WFIKKN1: variants seen among roughly 807,000 people sequenced by gnomAD.
WFIKKN1 encodes the protein WAP, follistatin/kazal, immunoglobulin, kunitz and netrin domain containing 1.
WFIKKN1 carries 6 observed loss-of-function variants against 4.6 expected under a neutral mutation model. The ratio of observed to expected loss-of-function variants is 1.31; its 90% CI spans 0.72 to 2.59. WFIKKN1 has a LOEUF of 2.59. Ranked by LOEUF, WFIKKN1 falls within the 30% of genes most tolerant of loss-of-function variation. The pLI is 0.00. For synonymous variants in WFIKKN1, 468 were observed against 367.4 expected, an observed-to-expected ratio of 1.27 and a Z score of -3.13; for missense variants, 964 against 818.0, an observed-to-expected ratio of 1.18 and a Z score of -2.18.
chr16:631,972 C>A (rs1238546360), intron 1 of WFIKKN1: 1 of 146,748 alleles, frequency 6.8e-6, no homozygotes, highest in East Asian at 2.0e-4. Flanking sequence ...TCTCTCACCC[C>A]GTCATTGCCT....
chr16:633,451 C>T lies in WFIKKN1; in HGVS notation c.1041C>T (p.Cys347=), dbSNP rs2036981075. 4.6e-6 allele frequency: 7 copies of T among 1,537,946 alleles called. No homozygotes were observed. The highest frequency in any genetic ancestry group is 6.1e-6 in the Non-Finnish European group (7 of 1,150,406). ...AARGFETYEA[C]QQACARGPGD... ...GCGGCTTTGAGACCTACGAGGCATG[C>T]CAGCAGGCCTGTGCCCGCGGCCCCG... The change falls in exon 2 of 2, where the codon TGC becomes TGT. Residue 347 remains cysteine, a synonymous_variant. Transcript: ENST00000319070.
chr16:632,576 C>T lies in WFIKKN1; in HGVS notation c.172-6C>T. On this transcript the variant is annotated splice_polypyrimidine_tract_variant and splice_region_variant and intron_variant, in intron 1 of 1. Coordinates refer to ENST00000319070, the MANE Select transcript of WFIKKN1 (RefSeq NM_053284.3). ...GGGCTCCCACCTAAGTGTCCCCCAT[C>T]CCCAGGACTGTGCGGCTGCTGAGAA... is the stretch of plus-strand genomic sequence containing the variant. 1 of 1,534,604 alleles carries T rather than the reference C, an allele frequency of 6.5e-7. No individual in the cohort carries two copies. The highest frequency in any genetic ancestry group is 8.8e-7 in the Non-Finnish European group (1 of 1,137,284).
At position 634,009 on chromosome 16, in the gene WFIKKN1, G is replaced by A; in HGVS notation, c.1599G>A (p.Glu533=). Residue 533 remains glutamate, a synonymous_variant, in exon 2 of 2, where the codon GAG becomes GAA. Coordinates refer to ENST00000319070, the MANE Select transcript of WFIKKN1 (RefSeq NM_053284.3). ...AGAAGCGCGTCAAGAAGATCTTGGA[G>A]CTGCTGGAGAAGCAGGCCTGCGAGC... ...ASEKRVKKIL[E]LLEKQACELL... 1 of 1,602,262 alleles carries A rather than the reference G, an allele frequency of 6.2e-7. No individual in the cohort carries two copies. Among genetic ancestry groups the A allele is most frequent in the African/African-American group, 1.3e-5 (1 of 74,824 alleles).
At position 633,009 on chromosome 16, in the gene WFIKKN1, G is replaced by T. The variant is rs747756333; in HGVS notation, c.599G>T (p.Gly200Val). 1.2e-6 allele frequency: 2 copies of T among 1,605,834 alleles called. No individual in the cohort carries two copies. Among genetic ancestry groups the T allele is most frequent in the Non-Finnish European group, 8.5e-7 (1 of 1,176,014 alleles). ...CCCTCCCCACAGGCGGTGCAGGTTG[G>T]GGGTACGGCCAGCCTCCACTGCGAC... Reference protein sequence around the residue: ...SSPSPQAVQVGGTASLHCDVS... With the variant: ...SSPSPQAVQVVGTASLHCDVS... The change falls in exon 2 of 2, where the codon GGG becomes GTG. Residue 200 changes from glycine to valine, a missense_variant. Gly to Val is a moderately radical substitution (Grantham distance 109). Transcript: ENST00000319070.
chr16:631,297 G>T lies in WFIKKN1; in HGVS notation c.44G>T (p.Arg15Leu). The T allele has an allele frequency of 1.9e-6, 3 of 1,596,662 alleles. No homozygotes were observed. Among genetic ancestry groups the T allele is most frequent in the South Asian group, 1.1e-5 (1 of 90,374 alleles). ...CTCCTGCCGCTCCTGCTCCTCCTCC[G>T]GCTGACCTCGGGGGCTGGCTTGCTG... ...RPLLPLLLLLRLTSGAGLLPG... is the reference protein window; with the variant it reads ...RPLLPLLLLLLLTSGAGLLPG... Residue 15 changes from arginine to leucine, a missense_variant, in exon 1 of 2, where the codon CGG becomes CTG. Physicochemically the swap from Arg to Leu is moderately radical, Grantham distance 102. Transcript: ENST00000319070.
In WFIKKN1 at chr16:631,442, G is replaced by T; in HGVS notation, c.171+18G>T. 6.3e-7 allele frequency: 1 copy of T among 1,598,200 alleles called. No individual in the cohort carries two copies. Among genetic ancestry groups the T allele is most frequent in the East Asian group, 2.3e-5 (1 of 44,070 alleles). On this transcript the variant is annotated intron_variant, in intron 1 of 1. Transcript: ENST00000319070. ...GGGACCAGGTGAGTGTGGTCGGGCC[G>T]GGGTCCTGGGGCTCAGAGCAGCCAG... is the stretch of plus-strand genomic sequence containing the variant.
rs528515735 is a variant in WFIKKN1 at position 632,505 on chromosome 16, C to T, written c.172-77C>T. On this transcript the variant is annotated intron_variant, in intron 1 of 1. Transcript: ENST00000319070. ...GGGCTCCCTGCTACCCCACCTGGGCCTCCCCTTGCAGGGGCCAGGCCAGAG... is the reference window on the plus strand; with the variant it reads ...GGGCTCCCTGCTACCCCACCTGGGCTTCCCCTTGCAGGGGCCAGGCCAGAG... 259 of 1,394,474 alleles carry T rather than the reference C, an allele frequency of 1.9e-4. 1 individual carries two copies. The African/African-American group carries it at 3.0e-3, about 16-fold the overall frequency. 86.4% of individuals were successfully genotyped at this position (1,394,474 alleles called of 1,614,324 possible).
Position 634,078 on chromosome 16 carries a change from AC to A in WFIKKN1, c.*25del. On this transcript the variant is annotated 3_prime_UTR_variant, in exon 2 of 2. Transcript: ENST00000319070. ...ACTAGCCCCCGCAGGGGCCTGCGCC[AC>A]CCCGTCCTGGTGAATAAACGCACTC... 6.6e-7 allele frequency: 1 copy of A among 1,524,812 alleles called. No individual in the cohort carries two copies. Among genetic ancestry groups the A allele is most frequent in the South Asian group, 1.3e-5 (1 of 78,354 alleles). 94.5% of individuals were successfully genotyped at this position (1,524,812 alleles called of 1,614,324 possible).
Position 631,237 on chromosome 16 carries a change from CT to C in WFIKKN1, c.-16del. ...GCTGGTGGCCACACCCCCCGGCCCCCTGGCTCGGCGGCCCTCATGCCCGCCC... is the reference window on the plus strand; with the variant it reads ...GCTGGTGGCCACACCCCCCGGCCCCCGGCTCGGCGGCCCTCATGCCCGCCC... On this transcript the variant is annotated 5_prime_UTR_variant, in exon 1 of 2. Coordinates refer to ENST00000319070, the MANE Select transcript of WFIKKN1 (RefSeq NM_053284.3). 2 of 1,544,618 alleles carry C rather than the reference CT, an allele frequency of 1.3e-6. No homozygotes were observed. The highest frequency in any genetic ancestry group is 1.7e-6 in the Non-Finnish European group (2 of 1,152,882).
At position 633,034 on chromosome 16, in the gene WFIKKN1, C is replaced by T. The variant is rs368851660; in HGVS notation, c.624C>T (p.Asp208=). The change falls in exon 2 of 2, where the codon GAC becomes GAT. Residue 208 remains aspartate (D), a synonymous_variant. Coordinates refer to ENST00000319070, the MANE Select transcript of WFIKKN1 (RefSeq NM_053284.3). ...GGGGTACGGCCAGCCTCCACTGCGA[C>T]GTCAGCGGCCGCCCGCCGCCTGCTG... The part of the protein sequence containing the change: ...QVGGTASLHC[D]VSGRPPPAVT... 6.2e-6 allele frequency: 10 copies of T among 1,610,576 alleles called. No individual in the cohort carries two copies. Among genetic ancestry groups the T allele is most frequent in the South Asian group, 1.1e-5 (1 of 90,846 alleles).
chr16:631,130 C>G lies in WFIKKN1; in HGVS notation c.-124C>G. The stretch of plus-strand genomic sequence containing the variant: ...CAGCCTCAGGGGCAAAAGGGAGCCC[C>G]GGGGTCCTGGTGGGGGCACCGACCA... On this transcript the variant is annotated 5_prime_UTR_variant, in exon 1 of 2. Coordinates refer to ENST00000319070, the MANE Select transcript of WFIKKN1 (RefSeq NM_053284.3). 3 of 1,162,880 alleles carry G rather than the reference C, an allele frequency of 2.6e-6. No homozygotes were observed. Among genetic ancestry groups the G allele is most frequent in the Non-Finnish European group, 3.5e-6 (3 of 856,286 alleles). 72.0% of individuals were successfully genotyped at this position (1,162,880 alleles called of 1,614,324 possible).
Position 632,671 on chromosome 16 carries a change from G to A in WFIKKN1, c.261G>A (p.Pro87=), listed in dbSNP as rs566455415. The A allele has an allele frequency of 5.2e-5, 84 of 1,605,122 alleles. 1 individual carries two copies. Among genetic ancestry groups the A allele is most frequent in the Middle Eastern group, 1.7e-4 (1 of 6,024 alleles). Residue 87 remains proline, a synonymous_variant, in exon 2 of 2, where the codon CCG becomes CCA. Coordinates refer to ENST00000319070, the MANE Select transcript of WFIKKN1 (RefSeq NM_053284.3). ...GCTTCCCCGGCAGCCCAGCTGCGCC[G>A]ACGACAGCGGCCTCCTGCGAGGGCT... The part of the protein sequence containing the change: ...AARFPGSPAA[P]TTAASCEGFV...
At position 633,314 on chromosome 16, in the gene WFIKKN1, G is replaced by A. The variant is rs2036978310; in HGVS notation, c.904G>A (p.Asp302Asn). 3.8e-6 allele frequency: 6 copies of A among 1,595,056 alleles called. No individual in the cohort carries two copies. The highest frequency in any genetic ancestry group is 5.1e-6 in the Non-Finnish European group (6 of 1,175,292). ...CCCAGCCCCGGCCGAGTGCCTGCCG[G>A]ATGTGCAGGCCTGCACGGGCCCCAC... is the stretch of plus-strand genomic sequence containing the variant. ...SIPAPAECLPDVQACTGPTSP... is the reference protein window; with the variant it reads ...SIPAPAECLPNVQACTGPTSP... Residue 302 changes from aspartate (D) to asparagine (N), a missense_variant, in exon 2 of 2, where the codon GAT becomes AAT. Asp to Asn is a conservative substitution (Grantham distance 23). Coordinates refer to ENST00000319070, the MANE Select transcript of WFIKKN1 (RefSeq NM_053284.3).
At position 633,021 on chromosome 16, in the gene WFIKKN1, G is replaced by A. The variant is rs1420370298; in HGVS notation, c.611G>A (p.Ser204Asn). Residue 204 changes from serine to asparagine, a missense_variant, in exon 2 of 2, where the codon AGC becomes AAC. Coordinates refer to ENST00000319070, the MANE Select transcript of WFIKKN1 (RefSeq NM_053284.3). ...PQAVQVGGTASLHCDVSGRPP... is the reference protein window; with the variant it reads ...PQAVQVGGTANLHCDVSGRPP... ...GCGGTGCAGGTTGGGGGTACGGCCA[G>A]CCTCCACTGCGACGTCAGCGGCCGC... is the stretch of plus-strand genomic sequence containing the variant. The A allele has an allele frequency of 3.1e-6, 5 of 1,609,164 alleles. No individual in the cohort carries two copies. In the East Asian group the frequency reaches 8.9e-5, roughly 29 times the overall value.
In WFIKKN1 at chr16:631,158, G is replaced by A. The variant is rs1178413043; in HGVS notation, c.-96G>A. ...GGTCCTGGTGGGGGCACCGACCACAGGCCCGGAGGGTGGATGCCTGCAGGA... is the reference window on the plus strand; with the variant it reads ...GGTCCTGGTGGGGGCACCGACCACAAGCCCGGAGGGTGGATGCCTGCAGGA... On this transcript the variant is annotated 5_prime_UTR_variant, in exon 1 of 2. Transcript: ENST00000319070. The A allele has an allele frequency of 7.1e-7, 1 of 1,399,340 alleles. No homozygotes were observed. Among genetic ancestry groups the A allele is most frequent in the African/African-American group, 1.5e-5 (1 of 67,360 alleles). The allele number at this position is 1,399,340 out of a possible 1,614,324, so 86.7% of individuals were successfully genotyped here. A position where few individuals can be genotyped will look rare whatever the true frequency, so the allele number is the denominator to read the frequency against.
Position 633,640 on chromosome 16 carries a change from C to T in WFIKKN1, c.1230C>T (p.Pro410=), listed in dbSNP as rs760459488. The T allele has an allele frequency of 8.9e-6, 14 of 1,567,770 alleles. No homozygotes were observed. The highest frequency in any genetic ancestry group is 4.1e-5 in the African/African-American group (3 of 72,754). ...GCGAGAGCTGCGAGGATGCCTGCCC[C>T]GTGCCGCGCACACCGCCCTGCCGCG... ...HSRESCEDAC[P]VPRTPPCRAC... is the part of the protein sequence containing the mutation. The change falls in exon 2 of 2, where the codon CCC becomes CCT. Residue 410 remains proline, a synonymous_variant. Transcript: ENST00000319070.
At position 633,283 on chromosome 16, in the gene WFIKKN1, C is replaced by A; in HGVS notation, c.873C>A (p.Pro291=). 1 of 1,584,552 alleles carries A rather than the reference C, an allele frequency of 6.3e-7. No homozygotes were observed. Among genetic ancestry groups the A allele is most frequent in the Non-Finnish European group, 8.6e-7 (1 of 1,169,478 alleles). ...GAGAGCCGGCCAGGGACGCAGCCCC[C>A]AGCATCCCAGCCCCGGCCGAGTGCC... ...VQREPARDAA[P]SIPAPAECLP... is the part of the protein sequence containing the mutation. Residue 291 remains proline, a synonymous_variant, in exon 2 of 2, where the codon CCC becomes CCA. Transcript: ENST00000319070.
intron 1 of WFIKKN1, 106 bp downstream of exon 1, chr16:631,530 CTG>C: frequency 7.0e-7 from 1 of 1,433,182 alleles, no homozygotes; most frequent in Non-Finnish European, 9.2e-7. Flanking sequence ...TCTGGGGGGT[CTG>C]GGTCTGGGCC....
chr16:631,545 T>C (rs1322512918), intron 1 of WFIKKN1, 121 bp downstream of exon 1: 1 of 1,282,002 alleles, frequency 7.8e-7, no homozygotes, highest in Non-Finnish European at 1.0e-6. Flanking sequence ...TCTGGGCCCC[T>C]TAAGGGGCCC....
Sources: allele counts gnomAD v4.1 joint callset, GRCh38; gene constraint gnomAD v4.1.1; transcripts MANE v1.5; gene names NCBI Gene and HGNC (gene_info 2026-07-23, HGNC 2026-07-21).